Variants in SCD5 observed in about 807,000 individuals in gnomAD.
SCD5 encodes stearoyl-CoA desaturase 5, also known as acyl-CoA-desaturase 4.
Under a neutral mutation model 30.4 loss-of-function variants are expected in SCD5, and 20 were observed. The observed-to-expected ratio is 0.66, with a 90% confidence interval of 0.46 to 0.96. The LOEUF (loss-of-function observed/expected upper bound fraction) is 0.96, where lower values mean the gene tolerates loss of function less well. Among genes scored for constraint, SCD5 ranks in the 40% least tolerant of loss-of-function variants. The pLI, the probability that SCD5 is intolerant of heterozygous loss-of-function variation, is 0.00. For missense variants in SCD5, 381 were observed against 443.3 expected, an observed-to-expected ratio of 0.86 and a Z score of 1.26; for synonymous variants, 173 against 176.4, an observed-to-expected ratio of 0.98 and a Z score of 0.16.
intron 1 of SCD5, among the ~76,000 whole-genome samples, chr4:82,717,101 C>T (rs1207473341): frequency 2.0e-5 from 3 of 151,724 alleles, no homozygotes; most frequent in African/African-American, 4.9e-5. Context: ...CTGGAACCAA[C>T]CCCCTATACA....
intron 1 of SCD5, among the ~76,000 whole-genome samples, chr4:82,774,965 ACT>A (rs149493307): frequency 0.02 from 3,043 of 151,844 alleles, 103 homozygotes; most frequent in African/African-American, 0.07. Context: ...CCAAGGACCC[ACT>A]CTCTGCAGCG....
In SCD5 at chr4:82,798,081, G is replaced by A. The variant is rs567482582; in HGVS notation, c.232+225C>T. Among the ~76,000 whole-genome samples the A allele has an allele frequency of 4.0e-3, 282 of 70,072 alleles. 5 individuals carry two copies. The highest frequency in any genetic ancestry group is 0.011 in the African/African-American group (261 of 23,028). 46.0% of individuals were successfully genotyped at this position (70,072 alleles called of 152,430 possible). A position where few individuals can be genotyped will look rare whatever the true frequency, so the allele number is the denominator to read the frequency against. On this transcript the variant is annotated intron_variant, in intron 1 of 4. Coordinates refer to ENST00000319540, the MANE Select transcript of SCD5 (RefSeq NM_001037582.3). ...TTCCTCAGGCAGACCGCGGCGGGGT[G>A]GGGGCGGGGGGGGGGCGGAAGTTGA... is the stretch of plus-strand genomic sequence containing the variant.
intron 1 of SCD5, among the ~76,000 whole-genome samples, chr4:82,741,859 G>GGGGGGGGT (rs1720880281): frequency 1.4e-5 from 2 of 142,528 alleles, no homozygotes; most frequent in African/African-American, 2.6e-5. Flanking sequence ...TGGGCGGGGG[G>GGGGGGGGT]GGGGAGTGGG....
intron 4 of SCD5, among the ~76,000 whole-genome samples, chr4:82,635,312 T>C (rs1219079388): frequency 6.6e-6 from 1 of 152,126 alleles, no homozygotes; most frequent in Non-Finnish European, 1.5e-5. Context: ...TAAGAACACA[T>C]GACTAGCAAT....
At chr4:82,667,924 G>A (rs1405319135) in intron 3 of SCD5, among the ~76,000 whole-genome samples, 1 of 152,106 alleles carries the variant, frequency 6.6e-6, no homozygotes, top group African/African-American at 2.4e-5. Flanking sequence ...CTCAAAAATG[G>A]GAGATAAGAT....
At chr4:82,725,719 G>A (rs1057373210) in intron 1 of SCD5, among the ~76,000 whole-genome samples, 1 of 152,202 alleles carries the variant, frequency 6.6e-6, no homozygotes, top group African/African-American at 2.4e-5. Flanking sequence ...AATTAGCTGG[G>A]CCTGGTGGTA....
intron 1 of SCD5, among the ~76,000 whole-genome samples, chr4:82,768,799 T>G (rs986858004): frequency 2.0e-5 from 3 of 152,082 alleles, no homozygotes; most frequent in Non-Finnish European, 4.4e-5. Context: ...TTGCCTCTTG[T>G]CCCCCAGAGC....
At chr4:82,687,190 GAAAGAAAGAAAGA>G (rs1728729948) in intron 2 of SCD5, among the ~76,000 whole-genome samples, 2 of 138,410 alleles carry the variant, frequency 1.4e-5, no homozygotes, top group Non-Finnish European at 3.2e-5. Flanking sequence ...AAAAAAAAAA[GAAAGAAAGAAAGA>G]AAAGAAAGAA....
intron 2 of SCD5, among the ~76,000 whole-genome samples, chr4:82,694,567 T>C (rs1172662177): frequency 1.3e-5 from 2 of 152,136 alleles, no homozygotes; most frequent in South Asian, 2.1e-4. Context: ...GTGGTGGTAA[T>C]TGCCTCCAAA....
intron 4 of SCD5, 141 bp downstream of exon 4, chr4:82,636,450 C>G (rs558880583): frequency 5.5e-6 from 3 of 545,380 alleles, no homozygotes; most frequent in Non-Finnish European, 9.0e-6. Context: ...GACTCTATCT[C>G]GGAAAAAAAA....
intron 1 of SCD5, among the ~76,000 whole-genome samples, chr4:82,770,613 T>G (rs1033735560): frequency 2.0e-5 from 3 of 152,224 alleles, no homozygotes; most frequent in Non-Finnish European, 4.4e-5. Context: ...ATAATAAGTA[T>G]GGGAATGAAG....
chr4:82,778,292 C>T (rs918864434), intron 1 of SCD5, among the ~76,000 whole-genome samples: 2 of 152,288 alleles, frequency 1.3e-5, no homozygotes, highest in Middle Eastern at 3.4e-3. Flanking sequence ...ACCCTGCCTC[C>T]AGTCACATTT....
chr4:82,737,748 G>A lies in SCD5; in HGVS notation c.233-32335C>T, dbSNP rs182446289. ...TATATTGTGCCTTTCTATTAAGGCA[G>A]AGTTTCATGTCGTGATCTGAAAGCA... On this transcript the variant is annotated intron_variant, in intron 1 of 4. Coordinates refer to ENST00000319540, the MANE Select transcript of SCD5 (RefSeq NM_001037582.3). Among the ~76,000 whole-genome samples the A allele has an allele frequency of 3.3e-5, 5 of 152,292 alleles. No individual in the cohort carries two copies. In the East Asian group the frequency reaches 9.6e-4, roughly 29 times the overall value.
chr4:82,722,953 C>T (rs6838606), intron 1 of SCD5, among the ~76,000 whole-genome samples: 92,844 of 150,460 alleles, frequency 0.62, 30,963 homozygotes, highest in African/African-American at 0.88. Flanking sequence ...GGCAGGTGCC[C>T]GTAATCTCAG....
intron 2 of SCD5, among the ~76,000 whole-genome samples, chr4:82,699,391 C>CT (rs915397736): frequency 3.6e-4 from 53 of 147,960 alleles, no homozygotes; most frequent in East Asian, 9.9e-4. Context: ...TTATCAATGA[C>CT]TTTTTTTTTT....
intron 2 of SCD5, among the ~76,000 whole-genome samples, chr4:82,684,637 A>G (rs531392706): frequency 3.0e-4 from 46 of 152,250 alleles, no homozygotes; most frequent in Non-Finnish European, 5.9e-4. Context: ...AAGAGGGGAA[A>G]GCTGAGGATT....
chr4:82,638,407 C>T (rs1481763217), intron 3 of SCD5, among the ~76,000 whole-genome samples: 1 of 152,150 alleles, frequency 6.6e-6, no homozygotes, highest in Admixed American at 6.6e-5. Context: ...TGGGGGAAGG[C>T]CATGACTGCA....
intron 1 of SCD5, among the ~76,000 whole-genome samples, chr4:82,711,064 T>C (rs976738547): frequency 6.6e-6 from 1 of 152,088 alleles, no homozygotes; most frequent in African/African-American, 2.4e-5. Context: ...GCCTCCTGGG[T>C]TTGTTGTAAA....
At chr4:82,797,501 C>T (rs572947889) in intron 1 of SCD5, among the ~76,000 whole-genome samples, 5 of 151,966 alleles carry the variant, frequency 3.3e-5, no homozygotes, top group Non-Finnish European at 7.4e-5. Context: ...CGCCCGGGCT[C>T]CCTTCCCTAC....
Sources: allele counts gnomAD v4.1 joint callset (sites outside exome capture counted in the v4.1 genomes callset), GRCh38; gene constraint gnomAD v4.1.1; transcripts MANE v1.5; gene names NCBI Gene and HGNC (gene_info 2026-07-23, HGNC 2026-07-21).